Variants in ATF2 observed in about 807,000 individuals in gnomAD.
ATF2 encodes cyclic AMP-dependent transcription factor ATF-2.
ATF2 carries 24 observed loss-of-function variants against 60.6 expected under a neutral mutation model. The ratio of observed to expected loss-of-function variants is 0.40; its 90% confidence interval spans 0.29 to 0.56. The LOEUF (loss-of-function observed/expected upper bound fraction) is 0.56. Among genes scored for constraint, ATF2 ranks in the 20% least tolerant of loss-of-function variants. The pLI is 0.54. For synonymous variants in ATF2, 206 were observed against 215.4 expected (o/e 0.96, Z 0.38); for missense variants, 433 against 607.7 (o/e 0.71, Z 3.02).
At chr2:175,075,673 C>T (rs1693242351) in intron 13 of ATF2, among the ~76,000 whole-genome samples, 1 of 152,086 alleles carries the variant, frequency 6.6e-6, no homozygotes, top group African/African-American at 2.4e-5. Context: ...ACAATGATAA[C>T]ATGAACACCT....
intron 1 of ATF2, among the ~76,000 whole-genome samples, chr2:175,158,234 ATTTT>A (rs34664149): frequency 4.5e-5 from 6 of 132,692 alleles, no homozygotes; most frequent in Admixed American, 7.7e-5. Context: ...TGAATTCAGG[ATTTT>A]TTTTTTTTTT....
intron 12 of ATF2, among the ~76,000 whole-genome samples, chr2:175,086,712 T>C (rs764076701): frequency 6.6e-6 from 1 of 152,114 alleles, no homozygotes; most frequent in Non-Finnish European, 1.5e-5. Context: ...CCTGGCCTCA[T>C]TTATGATAAA....
intron 2 of ATF2, among the ~76,000 whole-genome samples, chr2:175,146,543 T>A (rs1389080872): frequency 2.0e-5 from 3 of 152,230 alleles, no homozygotes; most frequent in Non-Finnish European, 4.4e-5. Flanking sequence ...ATATGCACTG[T>A]AATAATTCAT....
At chr2:175,152,337 G>T (rs11894840) in intron 1 of ATF2, among the ~76,000 whole-genome samples, 1 of 152,204 alleles carries the variant, frequency 6.6e-6, no homozygotes, top group African/African-American at 2.4e-5. Flanking sequence ...GACAACATAA[G>T]AGCAAAGAAA....
At chr2:175,108,490 G>A (rs1574386978) in intron 10 of ATF2, among the ~76,000 whole-genome samples, 2 of 146,662 alleles carry the variant, frequency 1.4e-5, no homozygotes, top group African/African-American at 5.1e-5. Flanking sequence ...CCGGCCAGCC[G>A]CCCCTTCCGG....
intron 12 of ATF2, among the ~76,000 whole-genome samples, chr2:175,085,553 T>C (rs10165645): frequency 0.013 from 1,867 of 141,386 alleles, 27 homozygotes; most frequent in African/African-American, 0.031. Context: ...ATACATAACA[T>C]ACACACACAC....
intron 12 of ATF2, 85 bp downstream of exon 12, chr2:175,092,976 T>A: frequency 7.0e-7 from 1 of 1,423,788 alleles, no homozygotes; most frequent in Non-Finnish European, 9.6e-7. Flanking sequence ...CCTAAAATGT[T>A]TGGAGGCCCA....
At chr2:175,146,348 T>A (rs1246698839) in intron 2 of ATF2, among the ~76,000 whole-genome samples, 1 of 152,176 alleles carries the variant, frequency 6.6e-6, no homozygotes, top group Non-Finnish European at 1.5e-5. Flanking sequence ...AAGTACATTA[T>A]CAGAACAACT....
chr2:175,157,718 G>A (rs1699771654), intron 1 of ATF2, among the ~76,000 whole-genome samples: 1 of 152,208 alleles, frequency 6.6e-6, no homozygotes. Flanking sequence ...TCATGGGCTG[G>A]GCACAGTGGC....
In ATF2 at chr2:175,116,930, A is replaced by G. The variant is rs553871128; in HGVS notation, c.447+1060T>C. On this transcript the variant is annotated intron_variant, in intron 7 of 13. Coordinates refer to ENST00000264110, the MANE Select transcript of ATF2 (RefSeq NM_001880.4). ...TACATATCATATAATAAAATAAAGT[A>G]CAATCATTAAAAAGTATGATTTGGG... is the stretch of plus-strand genomic sequence containing the variant. Among the ~76,000 whole-genome samples, 4 of 152,160 alleles carry G rather than the reference A, an allele frequency of 2.6e-5. No individual in the cohort carries two copies. The East Asian group carries it at 7.7e-4, about 29-fold the overall frequency.
At chr2:175,108,333 C>T (rs1191869208) in intron 10 of ATF2, among the ~76,000 whole-genome samples, 1 of 151,604 alleles carries the variant, frequency 6.6e-6, no homozygotes, top group Non-Finnish European at 1.5e-5. Flanking sequence ...GGGGGTCAAC[C>T]CCCGCCCGGC....
chr2:175,108,766 CAGAT>C, intron 10 of ATF2, among the ~76,000 whole-genome samples: 1 of 147,062 alleles, frequency 6.8e-6, no homozygotes, highest in African/African-American at 2.6e-5. Context: ...ATAGAGAAAT[CAGAT>C]TGTTGCTGTA....
chr2:175,122,186 T>A (rs1179878550), intron 4 of ATF2, among the ~76,000 whole-genome samples: 1 of 151,978 alleles, frequency 6.6e-6, no homozygotes, highest in Non-Finnish European at 1.5e-5. Flanking sequence ...AAGTTGTTTT[T>A]AGAACATTTT....
chr2:175,104,130 T>C (rs1017365593), intron 10 of ATF2, among the ~76,000 whole-genome samples: 1 of 152,042 alleles, frequency 6.6e-6, no homozygotes. Context: ...AATATCTTCC[T>C]GGAAAGGCAC....
At chr2:175,104,021 A>T (rs1345347307) in intron 10 of ATF2, among the ~76,000 whole-genome samples, 1 of 151,936 alleles carries the variant, frequency 6.6e-6, no homozygotes, top group Non-Finnish European at 1.5e-5. Context: ...CTTAAAAATT[A>T]AAAAATACAA....
intron 12 of ATF2, among the ~76,000 whole-genome samples, chr2:175,089,652 C>T (rs1019325628): frequency 1.3e-5 from 2 of 152,152 alleles, no homozygotes; most frequent in African/African-American, 2.4e-5. Context: ...CTATTATAGG[C>T]ATGTTAACTC....
chr2:175,103,924 G>A (rs1437599396), intron 10 of ATF2, among the ~76,000 whole-genome samples: 2 of 151,908 alleles, frequency 1.3e-5, no homozygotes, highest in African/African-American at 4.8e-5. Flanking sequence ...GAATTTTTCT[G>A]TTGTATTAAA....
chr2:175,167,566 C>T (rs1241022822), intron 1 of ATF2: 4 of 466,572 alleles, frequency 8.6e-6, no homozygotes, highest in East Asian at 7.0e-5. Flanking sequence ...CACCAATACA[C>T]GGTCCTCAAT....
At chr2:175,156,262 T>A (rs1372541280) in intron 1 of ATF2, among the ~76,000 whole-genome samples, 3 of 150,600 alleles carry the variant, frequency 2.0e-5, no homozygotes, top group Non-Finnish European at 2.9e-5. Flanking sequence ...TCCCAGCTAC[T>A]CGGGAGGCTG....
Sources: gnomAD v4.1 joint callset for allele counts (sites outside exome capture counted in the v4.1 genomes callset) on GRCh38, gnomAD v4.1.1 for gene constraint, MANE v1.5 for transcripts, NCBI Gene and HGNC (gene_info 2026-07-23, HGNC 2026-07-21) for gene names.